DLGAP2: variants seen among roughly 807,000 people sequenced by gnomAD.
DLGAP2 encodes the protein DLG associated protein 2, also known as disks large-associated protein 2.
In DLGAP2, 26 loss-of-function variants were observed where a neutral mutation model predicts 100.3. That is an observed-to-expected ratio of 0.26 (90% CI 0.19 to 0.36). The LOEUF is 0.36. Among genes scored for constraint, DLGAP2 ranks in the 10% least tolerant of loss-of-function variants. The pLI is 1.00. For synonymous variants in DLGAP2, 886 were observed against 630.1 expected (o/e 1.41, Z -6.08); for missense variants, 1,858 against 1,453.2 (o/e 1.28, Z -4.53).
At chr8:1,357,181 G>A (rs926159485) in intron 3 of DLGAP2, among the ~76,000 whole-genome samples, 1 of 152,100 alleles carries the variant, frequency 6.6e-6, no homozygotes, top group African/African-American at 2.4e-5. Context: ...GAGCCGCTGG[G>A]GATCTCAGTC....
intron 3 of DLGAP2, among the ~76,000 whole-genome samples, chr8:1,440,958 G>A (rs928392807): frequency 7.2e-5 from 11 of 152,174 alleles, no homozygotes; most frequent in Admixed American, 5.2e-4. Context: ...GCAAAAGCAC[G>A]TAAGTCTACA....
chr8:867,297 A>T (rs1254994058), intron 1 of DLGAP2, among the ~76,000 whole-genome samples: 3 of 152,206 alleles, frequency 2.0e-5, no homozygotes, highest in Non-Finnish European at 4.4e-5. Flanking sequence ...GTTGAACTCA[A>T]GTATGTATAA....
chr8:955,972 C>A (rs775589190), intron 2 of DLGAP2, among the ~76,000 whole-genome samples: 2 of 152,012 alleles, frequency 1.3e-5, no homozygotes, highest in African/African-American at 2.4e-5. Context: ...CCTTTTGGGC[C>A]CTGTGACTTT....
intron 3 of DLGAP2, among the ~76,000 whole-genome samples, chr8:1,313,163 A>G (rs998206190): frequency 6.6e-6 from 1 of 152,368 alleles, no homozygotes; most frequent in African/African-American, 2.4e-5. Flanking sequence ...TAGACATAGA[A>G]CATCACTGTA....
At chr8:1,365,251 C>G (rs780975516) in intron 3 of DLGAP2, among the ~76,000 whole-genome samples, 16 of 152,190 alleles carry the variant, frequency 1.1e-4, no homozygotes, top group African/African-American at 3.1e-4. Flanking sequence ...ACCCCTCACT[C>G]TCCCAGAGCC....
intron 1 of DLGAP2, among the ~76,000 whole-genome samples, chr8:807,764 A>G (rs1001113343): frequency 5.9e-5 from 9 of 152,210 alleles, no homozygotes; most frequent in Non-Finnish European, 1.3e-4. Context: ...TTTCTTAGCT[A>G]CTTAGCTGTC....
intron 3 of DLGAP2, among the ~76,000 whole-genome samples, chr8:1,407,848 C>T (rs557335884): frequency 1.8e-4 from 27 of 150,274 alleles, no homozygotes; most frequent in South Asian, 4.2e-4. Context: ...CCTCCGGAGT[C>T]GTGTATTGAG....
At chr8:1,285,019 T>G (rs1799894158) in intron 3 of DLGAP2, among the ~76,000 whole-genome samples, 1 of 152,226 alleles carries the variant, frequency 6.6e-6, no homozygotes, top group African/African-American at 2.4e-5. Context: ...TTTATTTCCC[T>G]TGCTTTTTGG....
At chr8:1,206,442 G>C (rs13251165) in intron 2 of DLGAP2, among the ~76,000 whole-genome samples, 16 of 144,934 alleles carry the variant, frequency 1.1e-4, no homozygotes, top group African/African-American at 2.8e-4. Context: ...CCAGCCATCC[G>C]TGGACTGGGG....
chr8:1,122,448 C>T (rs772757050), intron 2 of DLGAP2, among the ~76,000 whole-genome samples: 18 of 152,286 alleles, frequency 1.2e-4, no homozygotes, highest in Non-Finnish European at 2.1e-4. Context: ...TACTGCCATC[C>T]AGAGCTGAGG....
At chr8:1,459,702 T>TTC (rs1231646756) in intron 3 of DLGAP2, among the ~76,000 whole-genome samples, 6 of 150,488 alleles carry the variant, frequency 4.0e-5, no homozygotes, top group African/African-American at 1.5e-4. Context: ...TTTTTTTTTT[T>TTC]TGAGATGGAG....
In DLGAP2 at chr8:1,361,662, C is replaced by T. The variant is rs538630635; in HGVS notation, c.106+102779C>T. On this transcript the variant is annotated intron_variant, in intron 3 of 14. Transcript: ENST00000637795. ...GAGCCCCCCTGGGTCTGACTATTAGCTTTCTCCATTTACTAAATTGATGTC... is the reference window on the plus strand; with the variant it reads ...GAGCCCCCCTGGGTCTGACTATTAGTTTTCTCCATTTACTAAATTGATGTC... Among the ~76,000 whole-genome samples, 62 of 152,314 alleles carry T rather than the reference C, an allele frequency of 4.1e-4. No homozygotes were observed. The South Asian group carries it at 6.4e-3, about 16-fold the overall frequency.
At chr8:1,277,558 A>T (rs1799728233) in intron 3 of DLGAP2, among the ~76,000 whole-genome samples, 1 of 152,202 alleles carries the variant, frequency 6.6e-6, no homozygotes, top group South Asian at 2.1e-4. Context: ...CTTGGTATCC[A>T]AGTATTAGCC....
At chr8:1,675,086 G>A (rs570636283) in intron 10 of DLGAP2, among the ~76,000 whole-genome samples, 10 of 152,250 alleles carry the variant, frequency 6.6e-5, no homozygotes, top group Admixed American at 2.0e-4. Context: ...ATCAGAACAC[G>A]CATCCCAGTC....
At chr8:781,696 A>C (rs900813980) in intron 1 of DLGAP2, among the ~76,000 whole-genome samples, 3 of 152,238 alleles carry the variant, frequency 2.0e-5, no homozygotes, top group Non-Finnish European at 4.4e-5. Flanking sequence ...TTGTTAAAGA[A>C]CGAACTTACT....
At chr8:905,382 G>A (rs1798356771) in intron 1 of DLGAP2, among the ~76,000 whole-genome samples, 1 of 152,142 alleles carries the variant, frequency 6.6e-6, no homozygotes, top group Non-Finnish European at 1.5e-5. Context: ...GCTGCCCCGG[G>A]AACCCCATGA....
intron 6 of DLGAP2, among the ~76,000 whole-genome samples, chr8:1,609,319 A>C (rs373485813): frequency 7.2e-6 from 1 of 138,374 alleles, no homozygotes; most frequent in African/African-American, 2.6e-5. Flanking sequence ...GAAATAAAAT[A>C]CTTTACAGAC....
At chr8:841,548 C>T (rs1796984049) in intron 1 of DLGAP2, among the ~76,000 whole-genome samples, 1 of 152,106 alleles carries the variant, frequency 6.6e-6, no homozygotes, top group Non-Finnish European at 1.5e-5. Flanking sequence ...GTTTCTAGAC[C>T]CTTGTAAGGC....
chr8:784,000 A>T (rs1337908950), intron 1 of DLGAP2, among the ~76,000 whole-genome samples: 1 of 152,242 alleles, frequency 6.6e-6, no homozygotes, highest in Non-Finnish European at 1.5e-5. Context: ...CTTGAGGGCC[A>T]TCGCCAGAAT....
Sources: allele counts gnomAD v4.1 joint callset (sites outside exome capture counted in the v4.1 genomes callset), GRCh38; gene constraint gnomAD v4.1.1; transcripts MANE v1.5; gene names NCBI Gene and HGNC (gene_info 2026-07-23, HGNC 2026-07-21).